DENND1A: variants seen among roughly 807,000 people sequenced by gnomAD.
DENND1A encodes the protein DENN domain containing 1A.
In DENND1A, 51 loss-of-function variants were observed where a neutral mutation model predicts 113.7. The ratio of observed to expected loss-of-function variants is 0.45; its 90% CI spans 0.36 to 0.57. The LOEUF is 0.57. DENND1A is among the 20% of genes least tolerant of loss of function. DENND1A has a pLI of 0.00. For synonymous variants in DENND1A, 565 were observed against 570.8 expected, an observed-to-expected ratio of 0.99 and a Z score of 0.14; for missense variants, 1,258 against 1,395.9, an observed-to-expected ratio of 0.90 and a Z score of 1.57.
At chr9:123,549,318 C>G (rs900755020) in intron 13 of DENND1A, among the ~76,000 whole-genome samples, 5 of 152,140 alleles carry the variant, frequency 3.3e-5, no homozygotes, top group African/African-American at 4.8e-5. Flanking sequence ...TTCCTCAAAC[C>G]TATTTTCAGC....
intron 2 of DENND1A, among the ~76,000 whole-genome samples, chr9:123,796,766 C>CACACACACAT (rs1833838844): frequency 6.7e-6 from 1 of 149,374 alleles, no homozygotes; most frequent in African/African-American, 2.5e-5. Flanking sequence ...TACACACACA[C>CACACACACAT]ACACACACAC....
intron 10 of DENND1A, among the ~76,000 whole-genome samples, chr9:123,617,769 C>A (rs1157127732): frequency 6.6e-6 from 1 of 152,042 alleles, no homozygotes; most frequent in Non-Finnish European, 1.5e-5. Context: ...TCAATGAGAA[C>A]CGTAATAGCT....
chr9:123,900,586 G>A (rs1375781940), intron 1 of DENND1A, among the ~76,000 whole-genome samples: 1 of 152,198 alleles, frequency 6.6e-6, no homozygotes, highest in African/African-American at 2.4e-5. Flanking sequence ...AAGGTGAGAG[G>A]TGAGGGGTGC....
At chr9:123,845,652 C>T (rs1368835062) in intron 2 of DENND1A, among the ~76,000 whole-genome samples, 2 of 97,148 alleles carry the variant, frequency 2.1e-5, no homozygotes, top group Admixed American at 2.9e-4. Flanking sequence ...CCTGGGTGAC[C>T]AAGTGAGAAC....
At chr9:123,530,061 A>C (rs1431947823) in intron 13 of DENND1A, among the ~76,000 whole-genome samples, 1 of 152,228 alleles carries the variant, frequency 6.6e-6, no homozygotes, top group East Asian at 1.9e-4. Context: ...GGAAGATGAA[A>C]GAGCAGGTAA....
intron 5 of DENND1A, among the ~76,000 whole-genome samples, chr9:123,692,419 A>G (rs2065245057): frequency 6.6e-6 from 1 of 152,200 alleles, no homozygotes; most frequent in African/African-American, 2.4e-5. Context: ...TAAAATTAAT[A>G]TTTATTCCCC....
In DENND1A at chr9:123,929,967, G is replaced by GCGGCCGAC. The variant is rs1857756103; in HGVS notation, c.-70_-63dup. On this transcript the variant is annotated 5_prime_UTR_variant, in exon 1 of 24. Transcript: ENST00000394215. ...TCGGCGCTGCGCTGCCCGCCCGCCC[G>GCGGCCGAC]CGGCCGACCGGCCTCCCTCTGGCGC... is the stretch of plus-strand genomic sequence containing the variant. The GCGGCCGAC allele has an allele frequency of 8.0e-6, 2 of 249,966 alleles. No homozygotes were observed. The highest frequency in any genetic ancestry group is 7.5e-5 in the East Asian group (1 of 13,310). The allele number at this position is 249,966 out of a possible 1,614,324, so 15.5% of individuals were successfully genotyped here. A position where few individuals can be genotyped will look rare whatever the true frequency, so the allele number is the denominator to read the frequency against.
intron 12 of DENND1A, among the ~76,000 whole-genome samples, chr9:123,574,488 G>A (rs1328831957): frequency 1.3e-5 from 2 of 152,098 alleles, no homozygotes; most frequent in Admixed American, 1.3e-4. Context: ...TGTCAAAATT[G>A]TAAAGTTATT....
At chr9:123,414,690 T>C in intron 19 of DENND1A, 1 of 1,436,824 alleles carries the variant, frequency 7.0e-7, no homozygotes. Flanking sequence ...TTTCCCAAGT[T>C]TATTTGAACA....
chr9:123,734,915 C>T (rs1386974873), intron 5 of DENND1A, among the ~76,000 whole-genome samples: 1 of 152,118 alleles, frequency 6.6e-6, no homozygotes, highest in South Asian at 2.1e-4. Context: ...GAACCAGTTA[C>T]TACTACCAGG....
At chr9:123,619,805 A>G (rs1041842041) in intron 10 of DENND1A, among the ~76,000 whole-genome samples, 2 of 152,186 alleles carry the variant, frequency 1.3e-5, no homozygotes, top group Non-Finnish European at 2.9e-5. Context: ...TTGAAAAGAC[A>G]GTTTTCCTAT....
At chr9:123,742,669 C>T (rs1244900902) in intron 5 of DENND1A, among the ~76,000 whole-genome samples, 1 of 152,100 alleles carries the variant, frequency 6.6e-6, no homozygotes, top group African/African-American at 2.4e-5. Context: ...TCCCCAGGGG[C>T]TCAGTTTGTG....
rs918804363 is a variant in DENND1A, at chr9:123,422,862, C to T, written c.1489-11033G>A. On this transcript the variant is annotated intron_variant, in intron 19 of 23. Transcript: ENST00000394215. The surrounding 1 kb of genome is among the most constrained non-coding windows in gnomAD (Gnocchi z 4.8). ...GATCAGCTCTGGTCGATGTGCTTAC[C>T]GCAGCAGCCCCTGAGCCCTCGGAGA... 2.0e-5 allele frequency among the ~76,000 whole-genome samples: 3 copies of T among 152,138 alleles called. No individual in the cohort carries two copies. The highest frequency in any genetic ancestry group is 2.1e-4 in the South Asian group (1 of 4,820).
chr9:123,431,775 T>C (rs1265349059), intron 19 of DENND1A, among the ~76,000 whole-genome samples: 1 of 140,410 alleles, frequency 7.1e-6, no homozygotes, highest in Non-Finnish European at 1.6e-5. Context: ...TGGTGGGCAG[T>C]GAGCAATTCA....
intron 8 of DENND1A, among the ~76,000 whole-genome samples, chr9:123,663,901 C>T (rs928843981): frequency 3.3e-5 from 5 of 151,320 alleles, no homozygotes; most frequent in Non-Finnish European, 7.4e-5. Flanking sequence ...TATTACTCAA[C>T]CCCCAGTGTA....
chr9:123,504,412 C>T (rs572489979), intron 13 of DENND1A, among the ~76,000 whole-genome samples: 11 of 152,292 alleles, frequency 7.2e-5, no homozygotes, highest in African/African-American at 1.4e-4. Flanking sequence ...TAGGCCTGCA[C>T]GGGATGCATG....
intron 8 of DENND1A, among the ~76,000 whole-genome samples, chr9:123,664,507 C>CT (rs199514499): frequency 3.2e-4 from 48 of 150,218 alleles, no homozygotes; most frequent in Admixed American, 6.0e-4. Flanking sequence ...TATTACTATT[C>CT]TTTTTTTTTA....
chr9:123,461,605 G>A (rs570906057), intron 13 of DENND1A, among the ~76,000 whole-genome samples: 40 of 152,318 alleles, frequency 2.6e-4, no homozygotes, highest in South Asian at 8.3e-4. Flanking sequence ...CTGAGGGCCC[G>A]ATACATTCAA....
intron 17 of DENND1A, among the ~76,000 whole-genome samples, chr9:123,451,352 C>T (rs1176423008): frequency 6.6e-6 from 1 of 152,112 alleles, no homozygotes; most frequent in East Asian, 1.9e-4. Context: ...AAAATAAAAC[C>T]ACCCCGCTTC....
Sources: gnomAD v4.1 joint callset for allele counts (sites outside exome capture counted in the v4.1 genomes callset) on GRCh38, gnomAD v4.1.1 for gene constraint, Gnocchi (gnomAD v3.1) non-coding constraint, MANE v1.5 for transcripts, NCBI Gene and HGNC (gene_info 2026-07-23, HGNC 2026-07-21) for gene names.